Variants in NRXN3 observed in about 807,000 individuals in gnomAD.
NRXN3 encodes the protein neurexin 3, also known as neurexin III.
Under a neutral mutation model 137.6 loss-of-function variants are expected in NRXN3, and 32 were observed. That is an observed-to-expected ratio of 0.23 (90% CI 0.18 to 0.31). The LOEUF (loss-of-function observed/expected upper bound fraction) is 0.31. Among genes scored for constraint, NRXN3 ranks in the 10% least tolerant of loss-of-function variants. The pLI, the probability that NRXN3 is intolerant of heterozygous loss-of-function variation, is 1.00. For missense variants in NRXN3, 1,574 were observed against 2,062.5 expected, an observed-to-expected ratio of 0.76 and a Z score of 4.59; for synonymous variants, 798 against 784.5, an observed-to-expected ratio of 1.02 and a Z score of -0.29.
chr14:78,909,314 T>C (rs2099229447), intron 10 of NRXN3, among the ~76,000 whole-genome samples: 1 of 152,144 alleles, frequency 6.6e-6, no homozygotes, highest in Admixed American at 6.6e-5. Context: ...AAAAGCAGAC[T>C]GGTCAAGAGC....
chr14:78,946,289 C>T (rs1465530993), intron 10 of NRXN3, among the ~76,000 whole-genome samples: 1 of 152,134 alleles, frequency 6.6e-6, no homozygotes, highest in Non-Finnish European at 1.5e-5. Flanking sequence ...TACAGAAATA[C>T]AGGTCTTGGT....
At chr14:79,269,157 C>A (rs1251683540) in intron 15 of NRXN3, among the ~76,000 whole-genome samples, 1 of 152,160 alleles carries the variant, frequency 6.6e-6, no homozygotes, top group African/African-American at 2.4e-5. Context: ...TCACGCCATT[C>A]TCCTGCCTCA....
chr14:78,665,880 A>G (rs1200111715), intron 6 of NRXN3, among the ~76,000 whole-genome samples: 1 of 152,166 alleles, frequency 6.6e-6, no homozygotes, highest in Non-Finnish European at 1.5e-5. Flanking sequence ...ATGTCAATTT[A>G]TCAAGCTTAT....
intron 19 of NRXN3, among the ~76,000 whole-genome samples, chr14:79,784,224 C>T (rs1258494854): frequency 6.6e-6 from 1 of 152,168 alleles, no homozygotes; most frequent in Non-Finnish European, 1.5e-5. Flanking sequence ...TGTTGAAACC[C>T]TGACTTCAGT....
chr14:79,737,646 A>G (rs1324375829), intron 19 of NRXN3, among the ~76,000 whole-genome samples: 1 of 152,126 alleles, frequency 6.6e-6, no homozygotes, highest in African/African-American at 2.4e-5. Flanking sequence ...TAATGTCACC[A>G]GTGGGAATTA....
rs1203152518 is a variant in NRXN3, at chr14:79,778,877, A to G, written c.4015-26235A>G. 2.0e-5 allele frequency among the ~76,000 whole-genome samples: 3 copies of G among 152,210 alleles called. No individual in the cohort carries two copies. In the East Asian group the frequency reaches 5.8e-4, roughly 29 times the overall value. ...TGGGCTTCTTCTACCTTTCACTGTA[A>G]TATAGTGGTGAAGAGAAAGACTTTG... On this transcript the variant is annotated intron_variant, in intron 19 of 20. Coordinates refer to ENST00000335750, the MANE Select transcript of NRXN3 (RefSeq NM_001330195.2).
rs190334835 is a variant in NRXN3, at chr14:79,261,607, G to A, written c.3263-205614G>A. 8.8e-5 allele frequency among the ~76,000 whole-genome samples: 11 copies of A among 125,468 alleles called. No individual in the cohort carries two copies. The East Asian group carries it at 2.4e-3, about 28-fold the overall frequency. The allele number at this position is 125,468 out of a possible 152,430, so 82.3% of individuals were successfully genotyped here. The stretch of plus-strand genomic sequence containing the variant: ...CCCACAGATAAGAAAGGTGCTGTGT[G>A]TGTGTGTGTGTGTGTGTGTGTGTGT... On this transcript the variant is annotated intron_variant, in intron 15 of 20. Coordinates refer to ENST00000335750, the MANE Select transcript of NRXN3 (RefSeq NM_001330195.2).
chr14:78,259,188 C>G (rs988532924), intron 2 of NRXN3, among the ~76,000 whole-genome samples: 5 of 151,622 alleles, frequency 3.3e-5, no homozygotes, highest in African/African-American at 1.2e-4. Context: ...AAACTTAAGT[C>G]TCATATGCGG....
At chr14:78,468,308 TGG>T (rs1365892111) in intron 4 of NRXN3, among the ~76,000 whole-genome samples, 1 of 152,176 alleles carries the variant, frequency 6.6e-6, no homozygotes, top group Admixed American at 6.5e-5. Flanking sequence ...TGATATGGTT[TGG>T]GGGCATAATG....
intron 16 of NRXN3, among the ~76,000 whole-genome samples, chr14:79,538,419 G>C (rs1311685601): frequency 6.6e-6 from 1 of 152,136 alleles, no homozygotes; most frequent in Non-Finnish European, 1.5e-5. Flanking sequence ...GGTTTTTATG[G>C]TTTCAGGTCT....
rs577166885 is a variant in NRXN3 at position 78,846,336 on chromosome 14, C to G, written c.2275+35992C>G. Among the ~76,000 whole-genome samples, 3 of 152,158 alleles carry G rather than the reference C, an allele frequency of 2.0e-5. No individual in the cohort carries two copies. In the South Asian group the frequency reaches 6.2e-4, roughly 32 times the overall value. On this transcript the variant is annotated intron_variant, in intron 10 of 20. Transcript: ENST00000335750. ...CCTCTGTCTCCTGGGATTCTGAAAG[C>G]TGTGTTTTCTTTTATACCTGATCAG... is the stretch of plus-strand genomic sequence containing the variant.
intron 19 of NRXN3, among the ~76,000 whole-genome samples, chr14:79,720,642 G>A (rs2154063537): frequency 6.6e-6 from 1 of 152,044 alleles, no homozygotes; most frequent in East Asian, 1.9e-4. Context: ...TCATTTCCAA[G>A]TCTTCCCTAC....
chr14:78,564,473 G>A (rs930633646), intron 4 of NRXN3, among the ~76,000 whole-genome samples: 1 of 152,124 alleles, frequency 6.6e-6, no homozygotes, highest in Admixed American at 6.5e-5. Context: ...TTTGCATGAA[G>A]CCAGAATCTC....
At position 78,487,015 on chromosome 14, in the gene NRXN3, T is replaced by A. The variant is rs537162551; in HGVS notation, c.758-158105T>A. The stretch of plus-strand genomic sequence containing the variant: ...ATCAAGAGGTGCCCAAGAGCAGACG[T>A]AGGCCTGTATGTCCCCATATGGTTG... On this transcript the variant is annotated intron_variant, in intron 4 of 20. Coordinates refer to ENST00000335750, the MANE Select transcript of NRXN3 (RefSeq NM_001330195.2). Among the ~76,000 whole-genome samples the A allele has an allele frequency of 6.6e-5, 10 of 152,306 alleles. No individual in the cohort carries two copies. The East Asian group carries it at 1.9e-3, about 29-fold the overall frequency.
intron 8 of NRXN3, among the ~76,000 whole-genome samples, chr14:78,782,352 G>C (rs992137104): frequency 3.3e-5 from 5 of 152,210 alleles, no homozygotes; most frequent in South Asian, 4.2e-4. Flanking sequence ...TAGAATTCTG[G>C]TATGTTTGGG....
At chr14:79,752,323 C>A (rs1303129107) in intron 19 of NRXN3, among the ~76,000 whole-genome samples, 1 of 151,914 alleles carries the variant, frequency 6.6e-6, no homozygotes, top group African/African-American at 2.4e-5. Flanking sequence ...GCCTATACTA[C>A]AAGGCTACAG....
intron 4 of NRXN3, among the ~76,000 whole-genome samples, chr14:78,338,575 G>A (rs1008887373): frequency 1.3e-5 from 2 of 152,150 alleles, no homozygotes; most frequent in African/African-American, 4.8e-5. Flanking sequence ...GTTTCCAAAA[G>A]TAGATAAAAT....
At chr14:78,927,940 T>C (rs1030256804) in intron 10 of NRXN3, among the ~76,000 whole-genome samples, 1 of 152,264 alleles carries the variant, frequency 6.6e-6, no homozygotes, top group South Asian at 2.1e-4. Context: ...GGGAGTCCTC[T>C]GCCTGGGGGA....
At chr14:79,819,414 T>A (rs2242640) in intron 20 of NRXN3, among the ~76,000 whole-genome samples, 108,778 of 149,072 alleles carry the variant, frequency 0.73, 40,213 homozygotes, top group East Asian at 0.85. Context: ...TTTATAGTCG[T>A]TCCCAACATT....
Sources: allele counts gnomAD v4.1 joint callset (sites outside exome capture counted in the v4.1 genomes callset), GRCh38; gene constraint gnomAD v4.1.1; transcripts MANE v1.5; gene names NCBI Gene and HGNC (gene_info 2026-07-23, HGNC 2026-07-21).